The following POU2F2 variants were observed in gnomAD, a reference collection of about 807,000 sequenced individuals.
POU2F2 encodes POU domain, class 2, transcription factor 2.
POU2F2 carries 14 observed loss-of-function variants against 63.5 expected under a neutral mutation model. That is an observed-to-expected ratio of 0.22 (90% CI 0.15 to 0.34). POU2F2 has a LOEUF of 0.34. Among genes scored for constraint, POU2F2 ranks in the 10% least tolerant of loss-of-function variants. POU2F2 has a pLI of 1.00. For synonymous variants in POU2F2, 306 were observed against 348.6 expected (o/e 0.88, Z 1.36); for missense variants, 607 against 815.2 (o/e 0.74, Z 3.11).
chr19:42,130,683 C>T (rs561826563), intron 1 of POU2F2, among the ~76,000 whole-genome samples: 1 of 151,894 alleles, frequency 6.6e-6, no homozygotes, highest in Admixed American at 6.5e-5. Flanking sequence ...ACATGTCACC[C>T]TGCAAATAGT....
At chr19:42,166,292 T>C (rs1347132551) in intron 1 of POU2F2, among the ~76,000 whole-genome samples, 1 of 152,078 alleles carries the variant, frequency 6.6e-6, no homozygotes, top group African/African-American at 2.4e-5. Context: ...CCAGGTCTCA[T>C]GCTCTGGGGA....
In POU2F2 at chr19:42,096,608, C is replaced by T. The variant is rs2076931870; in HGVS notation, c.568-365G>A. Among the ~76,000 whole-genome samples the T allele has an allele frequency of 6.6e-6, 1 of 152,200 alleles. No individual in the cohort carries two copies. Among genetic ancestry groups the T allele is most frequent in the East Asian group, 1.9e-4 (1 of 5,208 alleles). On this transcript the variant is annotated intron_variant, in intron 7 of 14. Transcript: ENST00000692977. This position sits in a 1 kb window ranked among gnomAD's most constrained non-coding sequence, Gnocchi z 4.1. Reference sequence around the variant, plus strand: ...TCTCAACCTGGGAATCAGGGACTGGCCCTGCCACCAAATCACTGCTTAGCC... The same window carrying T: ...TCTCAACCTGGGAATCAGGGACTGGTCCTGCCACCAAATCACTGCTTAGCC...
At chr19:42,188,941 A>AAGGAAGGAAGGAAGGC (rs2035046520) in intron 1 of POU2F2, among the ~76,000 whole-genome samples, 1 of 145,170 alleles carries the variant, frequency 6.9e-6, no homozygotes, top group Non-Finnish European at 1.5e-5. Context: ...GGAAGGAAGG[A>AAGGAAGGAAGGAAGGC]AGGAAGGAAG....
At chr19:42,161,946 C>G (rs1336487299) in intron 1 of POU2F2, among the ~76,000 whole-genome samples, 1 of 152,236 alleles carries the variant, frequency 6.6e-6, no homozygotes. Flanking sequence ...ATGCAGCGCG[C>G]AGGGCAAAAT....
At chr19:42,195,248 C>G (rs1161928265) in intron 1 of POU2F2, among the ~76,000 whole-genome samples, 1 of 151,438 alleles carries the variant, frequency 6.6e-6, no homozygotes, top group Admixed American at 6.6e-5. Context: ...CTGCTGTTAA[C>G]GTTATTTCTT....
chr19:42,143,497 T>A (rs1038801995), intron 2 of POU2F2, among the ~76,000 whole-genome samples: 1 of 152,234 alleles, frequency 6.6e-6, no homozygotes, highest in African/African-American at 2.4e-5. Flanking sequence ...ATATAAGTTG[T>A]GTGCTCAGTA....
intron 4 of POU2F2, among the ~76,000 whole-genome samples, chr19:42,119,287 T>C (rs2032305376): frequency 6.6e-6 from 1 of 152,196 alleles, no homozygotes; most frequent in South Asian, 2.1e-4. Flanking sequence ...CTGGTGCTAG[T>C]GACATGGGTG....
intron 5 of POU2F2, among the ~76,000 whole-genome samples, chr19:42,113,856 C>T (rs947552690): frequency 1.3e-5 from 2 of 152,090 alleles, no homozygotes; most frequent in South Asian, 4.1e-4. Flanking sequence ...GCCTAGGAGC[C>T]GGGGAAGGCT....
intron 5 of POU2F2, among the ~76,000 whole-genome samples, chr19:42,115,346 C>G (rs1171937197): frequency 6.6e-6 from 1 of 152,162 alleles, no homozygotes; most frequent in East Asian, 1.9e-4. Flanking sequence ...AACAAGGGAA[C>G]AGCCTTACCA....
At chr19:42,125,280 C>T (rs1014098310) in intron 1 of POU2F2, among the ~76,000 whole-genome samples, 42 of 150,488 alleles carry the variant, frequency 2.8e-4, no homozygotes, top group African/African-American at 9.8e-4. Context: ...GAAGGTCGCT[C>T]GAGCCCAGGA....
At chr19:42,123,544 G>A (rs1356565058) in intron 1 of POU2F2, among the ~76,000 whole-genome samples, 2 of 152,154 alleles carry the variant, frequency 1.3e-5, no homozygotes, top group African/African-American at 4.8e-5. Flanking sequence ...TTTTACAGAG[G>A]AGGAAACTGA....
chr19:42,129,524 C>T (rs919180558), intron 1 of POU2F2, among the ~76,000 whole-genome samples: 1 of 152,220 alleles, frequency 6.6e-6, no homozygotes, highest in African/African-American at 2.4e-5. Context: ...GCCAGCTTCT[C>T]GTTAGCACTT....
At position 42,162,321 on chromosome 19, in the gene POU2F2, C is replaced by T. The variant is rs1344643540; in HGVS notation, c.-69-1929G>A. ...CCCTCCGACAGAGGGGAGAGGATCC[C>T]TCTCCCAAGCAGACAACACCTCCAA... On this transcript the variant is annotated intron_variant, in intron 1 of 6. Coordinates refer to the POU2F2 transcript ENST00000524801. The surrounding 1 kb of genome is among the most constrained non-coding windows in gnomAD (Gnocchi z 4.1). 6.6e-6 allele frequency among the ~76,000 whole-genome samples: 1 copy of T among 152,102 alleles called. No homozygotes were observed. The highest frequency in any genetic ancestry group is 1.5e-5 in the Non-Finnish European group (1 of 68,018).
intron 1 of POU2F2, among the ~76,000 whole-genome samples, chr19:42,186,464 T>C (rs1056132622): frequency 4.6e-5 from 7 of 151,858 alleles, no homozygotes; most frequent in African/African-American, 1.7e-4. Flanking sequence ...AGGGAGGCAG[T>C]TGGGATTGCT....
chr19:42,106,050 T>C (rs199813667), intron 5 of POU2F2, among the ~76,000 whole-genome samples: 3 of 131,834 alleles, frequency 2.3e-5, no homozygotes, highest in Middle Eastern at 7.5e-3. Flanking sequence ...TTTCTTTCTT[T>C]CTTCTTTCTT....
chr19:42,147,501 T>C (rs771201822), intron 2 of POU2F2, among the ~76,000 whole-genome samples: 10 of 152,238 alleles, frequency 6.6e-5, no homozygotes, highest in Non-Finnish European at 1.3e-4. Flanking sequence ...TCTTCTCTAG[T>C]TGTCAACTCC....
At chr19:42,115,217 C>G (rs1028482154) in intron 5 of POU2F2, among the ~76,000 whole-genome samples, 1 of 152,110 alleles carries the variant, frequency 6.6e-6, no homozygotes, top group Admixed American at 6.6e-5. Flanking sequence ...AGTGTCTCCA[C>G]AGAACCAGGC....
intron 2 of POU2F2, among the ~76,000 whole-genome samples, chr19:42,139,372 G>A (rs778386400): frequency 3.3e-5 from 5 of 152,064 alleles, no homozygotes; most frequent in African/African-American, 4.8e-5. Context: ...TCTGAAATTC[G>A]CCCTCTAGTG....
upstream of POU2F2, among the ~76,000 whole-genome samples, chr19:42,176,245 C>T (rs2034876567): frequency 6.6e-6 from 1 of 152,112 alleles, no homozygotes; most frequent in Non-Finnish European, 1.5e-5. Flanking sequence ...TGCCACCTCG[C>T]CTCTCTTCTC....
Sources: gnomAD v4.1 joint callset for allele counts (sites outside exome capture counted in the v4.1 genomes callset) on GRCh38, gnomAD v4.1.1 for gene constraint, Gnocchi (gnomAD v3.1) non-coding constraint, MANE v1.5 for transcripts, NCBI Gene and HGNC (gene_info 2026-07-23, HGNC 2026-07-21) for gene names.